Variants in PTGR3 observed in about 807,000 individuals in gnomAD.
PTGR3 encodes prostaglandin reductase 3.
At chr18:75,205,390 T>C in the PTGR3 span, 9 of 982,448 alleles carry the variant, frequency 9.2e-6, no homozygotes, top group Non-Finnish European at 1.1e-5. Context: ...CCCCCTTTAA[T>C]TGAAACTGTG....
chr18:75,201,241 T>TC, the PTGR3 span: 14 of 582,650 alleles, frequency 2.4e-5, no homozygotes, highest in Admixed American at 3.0e-4. Context: ...TTTTTTTTTT[T>TC]CCCCCAAGGG....
chr18:75,201,156 CGA>C, the PTGR3 span: 1 of 447,568 alleles, frequency 2.2e-6, no homozygotes. Context: ...ACATCTGGAA[CGA>C]GACCATCCAT....
the PTGR3 span, among the ~76,000 whole-genome samples, chr18:75,206,823 T>C: frequency 1.1e-4 from 16 of 152,300 alleles, no homozygotes; most frequent in East Asian, 3.9e-4. Context: ...GTGGAGCACA[T>C]TGGGGAGCTC....
At chr18:75,206,528 C>G in the PTGR3 span, among the ~76,000 whole-genome samples, 4 of 152,248 alleles carry the variant, frequency 2.6e-5, no homozygotes, top group Non-Finnish European at 5.9e-5. Context: ...AATTATTAAG[C>G]CTCTATTCTT....
the PTGR3 span, chr18:75,208,960 C>T: frequency 1.3e-6 from 2 of 1,595,134 alleles, no homozygotes; most frequent in South Asian, 2.3e-5. Context: ...CCAGCTTCTG[C>T]ATGGCTTGGG....
At chr18:75,196,333 A>C in the PTGR3 span, 1 of 151,950 alleles carries the variant, frequency 6.6e-6, no homozygotes, top group Non-Finnish European at 1.5e-5. Flanking sequence ...CACATGTTCA[A>C]ATTTCTGCAC....
chr18:75,204,986 G>A, the PTGR3 span, among the ~76,000 whole-genome samples: 1 of 152,296 alleles, frequency 6.6e-6, no homozygotes, highest in South Asian at 2.1e-4. Flanking sequence ...CTTCTAAATT[G>A]TCTGCGTCGT....
At chr18:75,195,591 A>G in the PTGR3 span, 11 of 152,164 alleles carry the variant, frequency 7.2e-5, no homozygotes, top group African/African-American at 2.7e-4. Flanking sequence ...GAACTAGATT[A>G]TTCTTTAAAT....
At chr18:75,199,957 G>C in the PTGR3 span, 1 of 152,586 alleles carries the variant, frequency 6.6e-6, no homozygotes, top group Non-Finnish European at 1.5e-5. Context: ...CTGAAAATGA[G>C]TAAATCTTGT....
the PTGR3 span, among the ~76,000 whole-genome samples, chr18:75,203,748 A>G: frequency 6.7e-6 from 1 of 149,476 alleles, no homozygotes; most frequent in African/African-American, 2.5e-5. Flanking sequence ...CCTACGTTCT[A>G]TTTTTTTTTT....
At chr18:75,196,304 T>C in the PTGR3 span, 4 of 152,050 alleles carry the variant, frequency 2.6e-5, no homozygotes, top group Admixed American at 6.6e-5. Flanking sequence ...TCAAGGGAAA[T>C]TTTGGCTTGG....
the PTGR3 span, chr18:75,208,211 C>T: frequency 1.0e-5 from 7 of 668,052 alleles, no homozygotes; most frequent in Non-Finnish European, 1.3e-5. Flanking sequence ...GACCCTGGCC[C>T]AGCTGCCCGG....
At chr18:75,206,506 T>C in the PTGR3 span, among the ~76,000 whole-genome samples, 9 of 152,234 alleles carry the variant, frequency 5.9e-5, no homozygotes, top group East Asian at 1.7e-3. Flanking sequence ...TAAAATGAAC[T>C]AACCTGCAGT....
At chr18:75,208,985 TG>T in the PTGR3 span, 1 of 1,593,986 alleles carries the variant, frequency 6.3e-7, no homozygotes, top group Non-Finnish European at 8.5e-7. Context: ...GGCGGAGCCC[TG>T]GAAGTCCAGG....
At chr18:75,203,597 G>C in the PTGR3 span, among the ~76,000 whole-genome samples, 1 of 152,156 alleles carries the variant, frequency 6.6e-6, no homozygotes, top group African/African-American at 2.4e-5. Flanking sequence ...TTTCTGTTAT[G>C]TCAAGCTGCA....
At chr18:75,206,839 A>T in the PTGR3 span, among the ~76,000 whole-genome samples, 1 of 152,240 alleles carries the variant, frequency 6.6e-6, no homozygotes, top group African/African-American at 2.4e-5. Flanking sequence ...AGCTCCAAAC[A>T]TGGGAGTCTG....
At chr18:75,203,229 A>C in the PTGR3 span, among the ~76,000 whole-genome samples, 1 of 152,150 alleles carries the variant, frequency 6.6e-6, no homozygotes, top group African/African-American at 2.4e-5. Flanking sequence ...TTTTCATCTC[A>C]GTATACCTCC....
chr18:75,208,782 G>T, the PTGR3 span: 4 of 1,304,268 alleles, frequency 3.1e-6, no homozygotes, highest in African/African-American at 6.2e-5. Context: ...GGGACTGCGG[G>T]AGCGGCGCGG....
At chr18:75,208,567 A>G in the PTGR3 span, 1 of 551,562 alleles carries the variant, frequency 1.8e-6, no homozygotes, top group Non-Finnish European at 2.4e-6. Flanking sequence ...GAGGGGGAGG[A>G]GGGAGGGCTG....
Sources: gnomAD v4.1 joint callset for allele counts (sites outside exome capture counted in the v4.1 genomes callset) on GRCh38, gnomAD v4.1.1 for gene constraint, MANE v1.5 for transcripts, NCBI Gene and HGNC (gene_info 2026-07-23, HGNC 2026-07-21) for gene names.